Variants in ARMC8 observed in about 807,000 individuals in gnomAD.
The protein encoded by ARMC8 is armadillo repeat-containing protein 8.
A neutral mutation model predicts 99.3 loss-of-function variants in ARMC8; 20 were observed. That is an observed-to-expected ratio of 0.20 (90% CI 0.14 to 0.29). The LOEUF is 0.29. ARMC8 is among the 10% of genes least tolerant of loss of function. The probability of loss-of-function intolerance (pLI) is 1.00; values close to 1 mark genes in which losing one functional copy is unlikely to be tolerated. For missense variants in ARMC8, 569 were observed against 809.5 expected (o/e 0.70, Z 3.60); for synonymous variants, 263 against 278.3 (o/e 0.95, Z 0.55).
chr3:138,251,542 G>GT (rs2047123258), intron 12 of ARMC8, among the ~76,000 whole-genome samples: 1 of 152,160 alleles, frequency 6.6e-6, no homozygotes, highest in Non-Finnish European at 1.5e-5. Context: ...TAAGTTGTTA[G>GT]TTACCTTCTT....
At chr3:138,239,160 A>T in intron 9 of ARMC8, 1 of 246,424 alleles carries the variant, frequency 4.1e-6, no homozygotes, top group Non-Finnish European at 7.8e-6. Flanking sequence ...TAAAGAATAC[A>T]ACATGTGCCC....
At chr3:138,264,567 G>A (rs570486740) in intron 14 of ARMC8, among the ~76,000 whole-genome samples, 1 of 151,590 alleles carries the variant, frequency 6.6e-6, no homozygotes, top group Admixed American at 6.6e-5. Context: ...CTACAGGTGC[G>A]CACCACCACG....
intron 6 of ARMC8, among the ~76,000 whole-genome samples, chr3:138,232,420 T>C (rs1430670129): frequency 3.9e-5 from 6 of 152,182 alleles, no homozygotes; most frequent in East Asian, 1.9e-4. Context: ...GGAACAATTA[T>C]ATATAGAGAG....
At chr3:138,222,149 C>A (rs1334114930) in intron 3 of ARMC8, 152 bp downstream of exon 3, 2 of 612,804 alleles carry the variant, frequency 3.3e-6, no homozygotes, top group African/African-American at 1.9e-5. Flanking sequence ...TTTAAACTAT[C>A]TTTAAGGAAA....
intron 19 of ARMC8, among the ~76,000 whole-genome samples, chr3:138,288,684 G>T (rs572000133): frequency 6.8e-6 from 1 of 146,316 alleles, no homozygotes; most frequent in South Asian, 2.2e-4. Context: ...TGTCACCCAG[G>T]CTGAGTGCAA....
chr3:138,212,608 A>G (rs1244742526), intron 2 of ARMC8, among the ~76,000 whole-genome samples: 1 of 152,138 alleles, frequency 6.6e-6, no homozygotes, highest in East Asian at 1.9e-4. Flanking sequence ...CGCCTGGCCT[A>G]AGTAATCTTG....
intron 2 of ARMC8, among the ~76,000 whole-genome samples, chr3:138,219,790 G>C (rs1043141814): frequency 6.6e-6 from 1 of 152,140 alleles, no homozygotes; most frequent in Non-Finnish European, 1.5e-5. Context: ...CATTTCCTCT[G>C]TTGCCATCAG....
In ARMC8 at chr3:138,298,125, TG is replaced by T. The variant is rs1281246289; in HGVS notation, c.*2236del. 6 of 152,244 alleles carry T rather than the reference TG, an allele frequency of 3.9e-5. No individual in the cohort carries two copies. The highest frequency in any genetic ancestry group is 6.5e-5 in the Admixed American group (1 of 15,286). The allele number at this position is 152,244 out of a possible 1,614,324, so 9.4% of individuals were successfully genotyped here. On this transcript the variant is annotated 3_prime_UTR_variant, in exon 22 of 22. Transcript: ENST00000469044. ...GTGCAGTGTTCAGTCAGCAAGGAAG[TG>T]GGAAGAGTGGACATGGTATTGTGTC...
Position 138,290,543 on chromosome 3 carries a change from T to C in ARMC8, c.1895-3T>C. 1 of 1,596,340 alleles carries C rather than the reference T, an allele frequency of 6.3e-7. No homozygotes were observed. The highest frequency in any genetic ancestry group is 8.5e-7 in the Non-Finnish European group (1 of 1,171,140). ...TCCCAGTAACCTGGCTTTAATCGTT[T>C]AGGTTCACAAGAACGCCAGGATAAA... is the stretch of plus-strand genomic sequence containing the variant. On this transcript the variant is annotated splice_polypyrimidine_tract_variant and splice_region_variant and intron_variant, in intron 20 of 21. Transcript: ENST00000469044.
chr3:138,189,204 A>G (rs113375931), intron 1 of ARMC8, among the ~76,000 whole-genome samples: 4 of 152,168 alleles, frequency 2.6e-5, no homozygotes, highest in African/African-American at 9.6e-5. Flanking sequence ...ATTTTATTCA[A>G]AAACTTCTTG....
chr3:138,255,847 G>T (rs1212006008), intron 12 of ARMC8, among the ~76,000 whole-genome samples: 1 of 152,202 alleles, frequency 6.6e-6, no homozygotes, highest in Non-Finnish European at 1.5e-5. Flanking sequence ...GGGCGTGGTG[G>T]CATGCACCTA....
chr3:138,272,249 C>G (rs190569065), intron 16 of ARMC8, among the ~76,000 whole-genome samples: 98 of 152,254 alleles, frequency 6.4e-4, no homozygotes, highest in Admixed American at 2.5e-3. Flanking sequence ...GTTAAGAAAA[C>G]CCACTGCTTA....
At chr3:138,265,689 G>T (rs376609874) in intron 14 of ARMC8, among the ~76,000 whole-genome samples, 1 of 152,222 alleles carries the variant, frequency 6.6e-6, no homozygotes, top group African/African-American at 2.4e-5. Context: ...TATGGTATGT[G>T]TAGGGAACGG....
intron 1 of ARMC8, among the ~76,000 whole-genome samples, chr3:138,199,037 T>C (rs1248213684): frequency 6.6e-6 from 1 of 152,128 alleles, no homozygotes; most frequent in Non-Finnish European, 1.5e-5. Context: ...TCAGTTTCCT[T>C]AGTATGTTAC....
chr3:138,231,632 C>T (rs2046033661), intron 6 of ARMC8, among the ~76,000 whole-genome samples: 1 of 152,064 alleles, frequency 6.6e-6, no homozygotes, highest in Non-Finnish European at 1.5e-5. Context: ...ACCATGAGAG[C>T]TAGGCCAGGT....
chr3:138,286,284 G>T (rs3856634), intron 19 of ARMC8, among the ~76,000 whole-genome samples: 151,064 of 152,322 alleles, frequency 0.99, 74,925 homozygotes, highest in East Asian at 1. Flanking sequence ...CTGTACATAC[G>T]GCCTCCTCCT....
chr3:138,222,063 A>C, intron 3 of ARMC8, 66 bp downstream of exon 3: 1 of 1,225,736 alleles, frequency 8.2e-7, no homozygotes, highest in Admixed American at 1.9e-5. Flanking sequence ...CTTACTCTCA[A>C]TTATAGAACC....
chr3:138,220,214 G>T (rs1411415568), intron 2 of ARMC8, among the ~76,000 whole-genome samples: 1 of 152,150 alleles, frequency 6.6e-6, no homozygotes, highest in South Asian at 2.1e-4. Context: ...TGAGGATGCG[G>T]GAGCTTAGAA....
At chr3:138,279,820 A>G (rs188463980) in intron 18 of ARMC8, among the ~76,000 whole-genome samples, 5 of 152,350 alleles carry the variant, frequency 3.3e-5, no homozygotes, top group African/African-American at 2.4e-5. Flanking sequence ...ATTTGTTAAC[A>G]TAAAACGGTT....
Sources: gnomAD v4.1 joint callset for allele counts (sites outside exome capture counted in the v4.1 genomes callset) on GRCh38, gnomAD v4.1.1 for gene constraint, MANE v1.5 for transcripts, NCBI Gene and HGNC (gene_info 2026-07-23, HGNC 2026-07-21) for gene names.